Variants in NUP210L observed in about 807,000 individuals in gnomAD.
NUP210L encodes the protein nuclear pore membrane glycoprotein 210-like.
Under a neutral mutation model 208.5 loss-of-function variants are expected in NUP210L, and 74 were observed. That is an observed-to-expected ratio of 0.35 (90% CI 0.29 to 0.43). The LOEUF (loss-of-function observed/expected upper bound fraction) is 0.43, where lower values mean the gene tolerates loss of function less well. NUP210L is among the 20% of genes least tolerant of loss of function. NUP210L has a pLI of 1.00. For synonymous variants in NUP210L, 780 were observed against 816.9 expected (o/e 0.95, Z 0.77); for missense variants, 1,843 against 2,289.4 (o/e 0.81, Z 3.98).
At chr1:154,029,615 A>G (rs1652100866) in intron 28 of NUP210L, among the ~76,000 whole-genome samples, 1 of 151,586 alleles carries the variant, frequency 6.6e-6, no homozygotes, top group African/African-American at 2.4e-5. Flanking sequence ...ACTTGAACGC[A>G]GGAGATGGAG....
intron 17 of NUP210L, among the ~76,000 whole-genome samples, chr1:154,065,505 C>A (rs1361285246): frequency 6.6e-6 from 1 of 152,098 alleles, no homozygotes; most frequent in African/African-American, 2.4e-5. Context: ...GCTTTGTAAA[C>A]AAGGAAAACT....
intron 2 of NUP210L, among the ~76,000 whole-genome samples, chr1:154,149,490 T>C (rs566407200): frequency 6.6e-6 from 1 of 152,164 alleles, no homozygotes; most frequent in Non-Finnish European, 1.5e-5. Flanking sequence ...GAGGCAGGAT[T>C]GCTTGAGCCC....
At chr1:154,136,344 C>T (rs1658546252) in intron 6 of NUP210L, among the ~76,000 whole-genome samples, 1 of 151,858 alleles carries the variant, frequency 6.6e-6, no homozygotes, top group Non-Finnish European at 1.5e-5. Context: ...CCCAGCTACT[C>T]GGGAGGCTGA....
intron 17 of NUP210L, among the ~76,000 whole-genome samples, chr1:154,069,234 G>C (rs1378588735): frequency 2.0e-5 from 3 of 152,116 alleles, no homozygotes; most frequent in Non-Finnish European, 4.4e-5. Context: ...CACAGCCAGA[G>C]AAACTACCAT....
chr1:154,085,336 C>T (rs1196849002), intron 16 of NUP210L, among the ~76,000 whole-genome samples: 9 of 150,282 alleles, frequency 6.0e-5, no homozygotes, highest in Middle Eastern at 6.8e-3. Context: ...AGCGACAGAG[C>T]AAGACTCCAT....
At chr1:154,066,954 T>C (rs905115214) in intron 17 of NUP210L, among the ~76,000 whole-genome samples, 11 of 152,030 alleles carry the variant, frequency 7.2e-5, no homozygotes, top group Non-Finnish European at 1.5e-4. Flanking sequence ...TAATTAATAG[T>C]CTACCAACCA....
intron 27 of NUP210L, among the ~76,000 whole-genome samples, chr1:154,044,415 AAAAAAGAAAAAG>A (rs1276982407): frequency 6.6e-6 from 1 of 151,722 alleles, no homozygotes; most frequent in Admixed American, 6.6e-5. Flanking sequence ...CTCAAAAAAA[AAAAAAGAAAAAG>A]AAAAAGAAAA....
chr1:154,006,919 CAT>C (rs1491450776), intron 35 of NUP210L, among the ~76,000 whole-genome samples: 3 of 122,590 alleles, frequency 2.4e-5, no homozygotes, highest in East Asian at 2.3e-4. Context: ...CACATATACA[CAT>C]ATGTCTGTGT....
chr1:154,136,649 G>A (rs190258529), intron 6 of NUP210L, among the ~76,000 whole-genome samples: 12 of 150,764 alleles, frequency 8.0e-5, no homozygotes, highest in East Asian at 5.9e-4. Context: ...GGCCAGGTGC[G>A]GTGGTTCACG....
At chr1:154,029,822 C>T (rs1036218152) in intron 28 of NUP210L, 74 bp downstream of exon 28, 3 of 1,213,808 alleles carry the variant, frequency 2.5e-6, no homozygotes, top group Non-Finnish European at 3.5e-6. Context: ...AGACTAAGCT[C>T]TTTGTTGATG....
At chr1:154,023,150 T>C in exon 31 of NUP210L, 1 of 1,613,856 alleles carries the variant, frequency 6.2e-7, no homozygotes, top group Non-Finnish European at 8.5e-7. Flanking sequence ...AGCTGGGTAT[T>C]GTGTGTGTGG....
rs745735321 is a variant in NUP210L, at chr1:154,152,090, CAAAAAAAA to C, written c.340+638_340+645del. Among the ~76,000 whole-genome samples, 6 of 103,918 alleles carry C rather than the reference CAAAAAAAA, an allele frequency of 5.8e-5. No individual in the cohort carries two copies. In the East Asian group the frequency reaches 1.6e-3, roughly 28 times the overall value. 68.2% of individuals were successfully genotyped at this position (103,918 alleles called of 152,430 possible). Reference sequence around the variant, plus strand: ...GGGCAACAAAAGCGAAACTCCGTCTCAAAAAAAAAAAAAAAAAGAAAGAAAGAAAGAAA... The same window carrying C: ...GGGCAACAAAAGCGAAACTCCGTCTCAAAAAAAAAGAAAGAAAGAAAGAAA... On this transcript the variant is annotated intron_variant, in intron 2 of 39. Coordinates refer to ENST00000368559, the Ensembl canonical transcript of NUP210L.
chr1:154,114,266 T>C (rs753752961), intron 12 of NUP210L, among the ~76,000 whole-genome samples: 8 of 152,084 alleles, frequency 5.3e-5, no homozygotes, highest in Non-Finnish European at 1.0e-4. Flanking sequence ...GCATTGAACC[T>C]GGGCAACAGA....
At chr1:154,054,377 A>C in exon 25 of NUP210L, 1 of 1,614,174 alleles carries the variant, frequency 6.2e-7, no homozygotes, top group South Asian at 1.1e-5. Context: ...TGAACGATGG[A>C]TTGGGGCTGG....
At chr1:154,059,507 G>A (rs934297932) in intron 20 of NUP210L, among the ~76,000 whole-genome samples, 7 of 151,936 alleles carry the variant, frequency 4.6e-5, no homozygotes, top group Non-Finnish European at 7.4e-5. Context: ...TGAACAAAAC[G>A]AAACAAAAAC....
At chr1:154,097,582 C>A (rs1403202897) in intron 14 of NUP210L, among the ~76,000 whole-genome samples, 1 of 152,148 alleles carries the variant, frequency 6.6e-6, no homozygotes, top group Admixed American at 6.5e-5. Context: ...ATACTTGAAC[C>A]ATATATTTAA....
At chr1:153,995,840 C>T in intron 37 of NUP210L, 1 of 606,058 alleles carries the variant, frequency 1.7e-6, no homozygotes, top group South Asian at 1.4e-5. Context: ...TTGTCCAAAA[C>T]AACATGTCGG....
intron 38 of NUP210L, 91 bp downstream of exon 38, chr1:153,994,985 G>A (rs564631586): frequency 1.8e-5 from 14 of 781,776 alleles, no homozygotes; most frequent in East Asian, 2.8e-5. Flanking sequence ...GCACTCCAGC[G>A]TGGGCGACAG....
At position 154,024,703 on chromosome 1, in the gene NUP210L, T is replaced by TC. The variant is rs1160486723; in HGVS notation, c.4122+838dup. Among the ~76,000 whole-genome samples, 19 of 149,634 alleles carry TC rather than the reference T, an allele frequency of 1.3e-4. No individual in the cohort carries two copies. In the East Asian group the frequency reaches 3.8e-3, roughly 30 times the overall value. ...AAGCCCGGCTATTTTTTTTTTTTTT[T>TC]CATTTTTTGTAGAGATAGGGGTCTC... On this transcript the variant is annotated intron_variant, in intron 30 of 39. Transcript: ENST00000368559.
Sources: gnomAD v4.1 joint callset for allele counts (sites outside exome capture counted in the v4.1 genomes callset) on GRCh38, gnomAD v4.1.1 for gene constraint, MANE v1.5 for transcripts, NCBI Gene and HGNC (gene_info 2026-07-23, HGNC 2026-07-21) for gene names.